Variants in ZNF536 observed in about 807,000 individuals in gnomAD.
ZNF536 encodes the protein zinc finger protein 536.
A neutral mutation model predicts 84.5 loss-of-function variants in ZNF536; 13 were observed. The ratio of observed to expected loss-of-function variants is 0.15; its 90% CI spans 0.10 to 0.24. The LOEUF (loss-of-function observed/expected upper bound fraction) is 0.24, where lower values mean the gene tolerates loss of function less well. Among genes scored for constraint, ZNF536 ranks in the 10% least tolerant of loss-of-function variants. The pLI, the probability that ZNF536 is intolerant of heterozygous loss-of-function variation, is 1.00. For missense variants in ZNF536, 1,536 were observed against 1,747.5 expected, an observed-to-expected ratio of 0.88 and a Z score of 2.16; for synonymous variants, 811 against 742.5, an observed-to-expected ratio of 1.09 and a Z score of -1.50.
chr19:30,703,340 C>T (rs1012599959), intron 1 of ZNF536, among the ~76,000 whole-genome samples: 5 of 152,160 alleles, frequency 3.3e-5, no homozygotes, highest in African/African-American at 1.2e-4. Context: ...GGGAGCTCCC[C>T]ATCACTTGTA....
chr19:30,472,898 A>T (rs1035921748), intron 2 of ZNF536, among the ~76,000 whole-genome samples: 1 of 152,016 alleles, frequency 6.6e-6, no homozygotes, highest in East Asian at 1.9e-4. Context: ...AGTTCTCAAG[A>T]ATAAGGGTAG....
chr19:30,601,673 C>G (rs1009075457), intron 1 of ZNF536, among the ~76,000 whole-genome samples: 23 of 152,296 alleles, frequency 1.5e-4, no homozygotes, highest in African/African-American at 5.3e-4. Context: ...AGGTGGGCAG[C>G]TCGTTCTCAG....
At chr19:30,599,488 T>TTCCTTCCTTCCC (rs2047605576) in intron 1 of ZNF536, among the ~76,000 whole-genome samples, 1 of 122,686 alleles carries the variant, frequency 8.2e-6, no homozygotes, top group African/African-American at 3.1e-5. Context: ...CCTTCCCTCC[T>TTCCTTCCTTCCC]TCCTTCCTTC....
intron 1 of ZNF536, among the ~76,000 whole-genome samples, chr19:30,372,849 C>G (rs939864282): frequency 1.5e-5 from 2 of 133,378 alleles, no homozygotes; most frequent in African/African-American, 2.7e-5. Context: ...TCTAATCTGA[C>G]TGTACCAAAA....
intron 1 of ZNF536, among the ~76,000 whole-genome samples, chr19:30,629,993 G>T (rs576271982): frequency 3.4e-4 from 52 of 152,354 alleles, no homozygotes; most frequent in African/African-American, 1.1e-3. Context: ...TTTCTGCCAG[G>T]GAGGGCATTG....
intron 1 of ZNF536, among the ~76,000 whole-genome samples, chr19:30,638,180 G>A (rs891249165): frequency 2.0e-5 from 3 of 152,184 alleles, no homozygotes; most frequent in Non-Finnish European, 2.9e-5. Context: ...GCCAGGCCAG[G>A]GTGGCTGGTC....
At chr19:30,579,597 C>T (rs775141900) in intron 1 of ZNF536, among the ~76,000 whole-genome samples, 18 of 152,140 alleles carry the variant, frequency 1.2e-4, no homozygotes, top group South Asian at 2.1e-4. Flanking sequence ...ATCATCCCAC[C>T]GGCCACAGTC....
chr19:30,468,488 G>A (rs1447977942), intron 2 of ZNF536, among the ~76,000 whole-genome samples: 4 of 152,112 alleles, frequency 2.6e-5, no homozygotes, highest in Non-Finnish European at 1.5e-5. Context: ...GATCTCCCCC[G>A]CCACTCTGGC....
At chr19:30,456,739 G>A (rs1368019115) in intron 2 of ZNF536, among the ~76,000 whole-genome samples, 2 of 152,074 alleles carry the variant, frequency 1.3e-5, no homozygotes, top group African/African-American at 4.8e-5. Context: ...ATCAGGTGCT[G>A]GAGATGCAAA....
At chr19:30,570,657 G>A (rs764695149) in intron 1 of ZNF536, among the ~76,000 whole-genome samples, 3 of 151,808 alleles carry the variant, frequency 2.0e-5, no homozygotes, top group East Asian at 1.9e-4. Context: ...ACAGGCTGGC[G>A]GAAAACAGTC....
intron 1 of ZNF536, among the ~76,000 whole-genome samples, chr19:30,654,806 C>T (rs1301539228): frequency 6.6e-6 from 1 of 152,092 alleles, no homozygotes; most frequent in East Asian, 1.9e-4. Context: ...CTGAGCTCTA[C>T]ACTTCAGCTG....
chr19:30,475,099 G>A (rs2053790527), intron 2 of ZNF536, among the ~76,000 whole-genome samples: 1 of 151,994 alleles, frequency 6.6e-6, no homozygotes, highest in African/African-American at 2.4e-5. Context: ...TTTTTATTTT[G>A]AGATCAAGTC....
intron 2 of ZNF536, among the ~76,000 whole-genome samples, chr19:30,329,850 T>A (rs1009409779): frequency 3.3e-5 from 5 of 152,202 alleles, no homozygotes; most frequent in African/African-American, 1.2e-4. Context: ...GGGGGGATAC[T>A]TTCTCTACCA....
intron 1 of ZNF536, among the ~76,000 whole-genome samples, chr19:30,246,035 C>G (rs139973564): frequency 2.6e-5 from 4 of 152,302 alleles, no homozygotes; most frequent in Middle Eastern, 3.4e-3. Context: ...TGGGCAGAGG[C>G]GTCGTGGAGA....
At chr19:30,558,149 T>G (rs1268260410), downstream of ZNF536, 1 of 152,168 alleles carries the variant, frequency 6.6e-6, no homozygotes, top group Non-Finnish European at 1.5e-5. Context: ...AACAGGACAT[T>G]CAGGGAATGC....
chr19:30,375,783 C>A (rs989315137), intron 1 of ZNF536, among the ~76,000 whole-genome samples: 4 of 152,114 alleles, frequency 2.6e-5, no homozygotes, highest in African/African-American at 4.8e-5. Context: ...GCCTGTGTGT[C>A]CGTATTTGAG....
At chr19:30,369,583 G>A (rs2048545590), upstream of ZNF536, among the ~76,000 whole-genome samples, 1 of 152,156 alleles carries the variant, frequency 6.6e-6, no homozygotes, top group African/African-American at 2.4e-5. Flanking sequence ...AATAAAAATT[G>A]TAAAGGAAAA....
intron 1 of ZNF536, among the ~76,000 whole-genome samples, chr19:30,230,626 G>A (rs1485193664): frequency 2.0e-5 from 3 of 152,186 alleles, no homozygotes; most frequent in East Asian, 3.9e-4. Context: ...GGTGCCGCCC[G>A]ACTTCCCACA....
chr19:30,338,129 GTGA>G (rs894454210), intron 2 of ZNF536, among the ~76,000 whole-genome samples: 2 of 150,630 alleles, frequency 1.3e-5, no homozygotes, highest in Admixed American at 6.6e-5. Flanking sequence ...GATGATGATG[GTGA>G]TGATGGTGAT....
Sources: gnomAD v4.1 joint callset for allele counts (sites outside exome capture counted in the v4.1 genomes callset) on GRCh38, gnomAD v4.1.1 for gene constraint, MANE v1.5 for transcripts, NCBI Gene and HGNC (gene_info 2026-07-23, HGNC 2026-07-21) for gene names.